Variants in CMTM4 observed in about 807,000 individuals in gnomAD.
CMTM4 encodes the protein CKLF-like MARVEL transmembrane domain-containing protein 4.
Under a neutral mutation model 19.0 loss-of-function variants are expected in CMTM4, and 8 were observed. That is an observed-to-expected ratio of 0.42 (90% CI 0.25 to 0.76). The LOEUF is 0.76. Ranked by LOEUF, CMTM4 falls within the 30% of genes least tolerant of loss-of-function variation. CMTM4 has a pLI of 0.27. For missense variants in CMTM4, 228 were observed against 290.2 expected (o/e 0.79, Z 1.56); for synonymous variants, 106 against 121.1 (o/e 0.88, Z 0.82).
chr16:66,631,327 C>T (rs1394538909), intron 2 of CMTM4, among the ~76,000 whole-genome samples: 6 of 150,340 alleles, frequency 4.0e-5, no homozygotes, highest in Admixed American at 6.6e-5. Context: ...AGCCCCCGCC[C>T]GGCCAGCCGC....
At chr16:66,633,127 A>G (rs910607541) in intron 2 of CMTM4, among the ~76,000 whole-genome samples, 15 of 135,568 alleles carry the variant, frequency 1.1e-4, no homozygotes, top group Admixed American at 5.9e-4. Context: ...AAATATATAT[A>G]TATAAATATA....
intron 1 of CMTM4, among the ~76,000 whole-genome samples, chr16:66,675,852 AT>A (rs2016800882): frequency 2.0e-5 from 3 of 152,066 alleles, no homozygotes; most frequent in South Asian, 4.2e-4. Flanking sequence ...CACACTATTT[AT>A]TTTTTAAATA....
rs143180218 is a variant in CMTM4, at chr16:66,640,320, A to T, written c.187-3739T>A. Among the ~76,000 whole-genome samples the T allele has an allele frequency of 6.3e-3, 955 of 152,334 alleles. 2 individuals carry two copies. Among genetic ancestry groups the T allele is most frequent in the Non-Finnish European group, 8.7e-3 (594 of 68,024 alleles). The stretch of plus-strand genomic sequence containing the variant: ...ACTCTGTCTCAAAAAAAATAATAAA[A>T]ATAAATAAAGTTTAGACAGAGTGTC... On this transcript the variant is annotated intron_variant, in intron 1 of 3. Transcript: ENST00000394106.
At chr16:66,604,952 G>A in the CMTM4 span, 1 of 1,504,176 alleles carries the variant, frequency 6.6e-7, no homozygotes, top group Non-Finnish European at 8.8e-7. Flanking sequence ...TGGCCGAGTC[G>A]GTGAGTGCGG....
intron 1 of CMTM4, among the ~76,000 whole-genome samples, chr16:66,657,177 C>A (rs1203021773): frequency 5.9e-5 from 9 of 151,720 alleles, no homozygotes; most frequent in Admixed American, 5.9e-4. Flanking sequence ...CTCCGCCTCC[C>A]AGGTTCATGC....
the CMTM4 span, chr16:66,605,243 G>C: frequency 3.5e-6 from 1 of 285,036 alleles, no homozygotes; most frequent in East Asian, 6.1e-5. The surrounding 1 kb of genome is among the most constrained non-coding windows in gnomAD (Gnocchi z 4.6). Context: ...CCTGCTGTGT[G>C]AGCCAGGCGC....
intron 2 of CMTM4, among the ~76,000 whole-genome samples, chr16:66,629,479 G>A (rs976271694): frequency 1.3e-5 from 2 of 152,146 alleles, no homozygotes; most frequent in Non-Finnish European, 2.9e-5. Context: ...CTACTTTCAT[G>A]GATGAGGAAA....
the CMTM4 span, chr16:66,604,850 C>G: frequency 7.3e-7 from 1 of 1,365,932 alleles, no homozygotes. Flanking sequence ...CCGAGCCTGC[C>G]GGCGGCTCCC....
chr16:66,635,413 T>G (rs2015971678), intron 2 of CMTM4, among the ~76,000 whole-genome samples: 4 of 152,216 alleles, frequency 2.6e-5, no homozygotes, highest in African/African-American at 7.2e-5. Flanking sequence ...AGAGAGCACC[T>G]GTAAGGAGGA....
intron 1 of CMTM4, among the ~76,000 whole-genome samples, chr16:66,637,881 C>A (rs2016026616): frequency 6.6e-6 from 1 of 152,200 alleles, no homozygotes; most frequent in Non-Finnish European, 1.5e-5. Flanking sequence ...GAGACTTGTC[C>A]TTTAGAGCTT....
intron 1 of CMTM4, among the ~76,000 whole-genome samples, chr16:66,638,260 CT>C (rs2016034225): frequency 6.6e-6 from 1 of 152,214 alleles, no homozygotes; most frequent in Non-Finnish European, 1.5e-5. Context: ...AGCACAGTAA[CT>C]TTCACATAGC....
intron 1 of CMTM4, among the ~76,000 whole-genome samples, chr16:66,641,487 A>T (rs2016096833): frequency 6.6e-6 from 1 of 152,206 alleles, no homozygotes; most frequent in African/African-American, 2.4e-5. Flanking sequence ...AACACCTTAT[A>T]GGCACTTCTT....
At chr16:66,630,788 C>T (rs995981722) in intron 2 of CMTM4, among the ~76,000 whole-genome samples, 20 of 151,812 alleles carry the variant, frequency 1.3e-4, no homozygotes, top group Non-Finnish European at 2.7e-4. Flanking sequence ...GCCCCTCTGC[C>T]TGGCTGCCCA....
At position 66,619,122 on chromosome 16, in the gene CMTM4, A is replaced by ATC. The variant is rs1197572036; in HGVS notation, c.*2934_*2935dup. 1.0e-6 allele frequency: 1 copy of ATC among 985,378 alleles called. No homozygotes were observed. Among genetic ancestry groups the ATC allele is most frequent in the African/African-American group, 1.7e-5 (1 of 57,250 alleles). The allele number at this position is 985,378 out of a possible 1,614,324, so 61.0% of individuals were successfully genotyped here. On this transcript the variant is annotated 3_prime_UTR_variant, in exon 4 of 4. Transcript: ENST00000394106. ...CCAGCTTTATGTGGGGCCAACAAGT[A>ATC]TCTCCAGCCTTTCATGACTGTAATC... is the stretch of plus-strand genomic sequence containing the variant.
At chr16:66,655,646 T>A (rs1050357906) in intron 1 of CMTM4, among the ~76,000 whole-genome samples, 1 of 151,802 alleles carries the variant, frequency 6.6e-6, no homozygotes, top group African/African-American at 2.4e-5. Context: ...ATACTACCAT[T>A]TTTCACTTAA....
intron 1 of CMTM4, among the ~76,000 whole-genome samples, chr16:66,691,153 A>G (rs188868315): frequency 6.6e-6 from 1 of 152,252 alleles, no homozygotes; most frequent in East Asian, 1.9e-4. Context: ...TTTTGTTATT[A>G]AAAAGTCCTA....
At chr16:66,683,142 T>TACGTATATATATATATAC (rs2016951274) in intron 1 of CMTM4, among the ~76,000 whole-genome samples, 1 of 131,690 alleles carries the variant, frequency 7.6e-6, no homozygotes, top group African/African-American at 2.8e-5. Flanking sequence ...TATATATATA[T>TACGTATATATATATATAC]ATATGTATAT....
At chr16:66,630,946 C>G (rs1243928325) in intron 2 of CMTM4, among the ~76,000 whole-genome samples, 2 of 151,696 alleles carry the variant, frequency 1.3e-5, no homozygotes, top group African/African-American at 4.8e-5. Flanking sequence ...TCTGCCTGGC[C>G]GCGACCCCAT....
At chr16:66,626,532 G>C (rs1041697184) in intron 2 of CMTM4, among the ~76,000 whole-genome samples, 8 of 152,216 alleles carry the variant, frequency 5.3e-5, no homozygotes, top group Admixed American at 2.0e-4. Flanking sequence ...CTAGAGGCCA[G>C]GGGGCGGAGA....
Sources: allele counts gnomAD v4.1 joint callset (sites outside exome capture counted in the v4.1 genomes callset), GRCh38; gene constraint gnomAD v4.1.1; non-coding constraint Gnocchi (gnomAD v3.1); transcripts MANE v1.5; gene names NCBI Gene and HGNC (gene_info 2026-07-23, HGNC 2026-07-21).